Variants in FIS1 observed in about 807,000 individuals in gnomAD.
The protein encoded by FIS1 is fission, mitochondrial 1.
Under a neutral mutation model 21.6 loss-of-function variants are expected in FIS1, and 16 were observed. The observed-to-expected ratio is 0.74, with a 90% CI of 0.50 to 1.12. The LOEUF (loss-of-function observed/expected upper bound fraction) is 1.12. Ranked by LOEUF, FIS1 falls within the 50% of genes most tolerant of loss-of-function variation. The probability of loss-of-function intolerance (pLI) is 0.00; values close to 1 mark genes in which losing one functional copy is unlikely to be tolerated. For missense variants in FIS1, 198 were observed against 190.9 expected, an observed-to-expected ratio of 1.04 and a Z score of -0.22; for synonymous variants, 92 against 82.2, an observed-to-expected ratio of 1.12 and a Z score of -0.65.
Position 101,244,003 on chromosome 7 carries a change from T to C in FIS1, c.178+4A>G, listed in dbSNP as rs761881911. 1 of 1,611,914 alleles carries C rather than the reference T, an allele frequency of 6.2e-7. No individual in the cohort carries two copies. The highest frequency in any genetic ancestry group is 2.2e-5 in the East Asian group (1 of 44,812). On this transcript the variant is annotated splice_donor_region_variant and intron_variant, in intron 2 of 4. Transcript: ENST00000223136. ...AGCGGGAAAGGGAGAGTACAGCGCC[T>C]CACCCTCGAGCAGCACGATGCCTTT...
intron 1 of FIS1, chr7:101,244,737 C>G (rs749167769): frequency 4.3e-5 from 25 of 587,234 alleles, no homozygotes; most frequent in Non-Finnish European, 6.6e-5. Context: ...GCTCCAGGCC[C>G]GTAGTCTGAG....
At position 101,239,799 on chromosome 7, in the gene FIS1, G is replaced by A. The variant is rs745950074; in HGVS notation, c.*7C>T. 6 of 1,589,482 alleles carry A rather than the reference G, an allele frequency of 3.8e-6. No homozygotes were observed. The highest frequency in any genetic ancestry group is 2.3e-5 in the East Asian group (1 of 43,660). On this transcript the variant is annotated 3_prime_UTR_variant, in exon 5 of 5. Transcript: ENST00000223136. ...TGGAGCGTTCTCCGTGGGCTCCCGC[G>A]TCTCCTTCAGGATTTGGACTTGGAC...
At chr7:101,240,388 T>C in intron 3 of FIS1, 141 bp from the exon 4 acceptor site, 2 of 775,914 alleles carry the variant, frequency 2.6e-6, no homozygotes, top group Admixed American at 5.4e-5. Flanking sequence ...AACCTCAAAC[T>C]CCCAGGCTCA....
At position 101,245,052 on chromosome 7, in the gene FIS1, CTCCAT is replaced by C; in HGVS notation, c.-53_-49del. On this transcript the variant is annotated 5_prime_UTR_variant, in exon 1 of 5. It removes an upstream start codon present in the reference 5' UTR. Coordinates refer to ENST00000223136, the MANE Select transcript of FIS1 (RefSeq NM_016068.3). ...ACACTACAGTCTACTGTGCCACAGT[CTCCAT>C]GGCCCAGTGGCAGGGGCGGAGAACC... 1 of 1,592,200 alleles carries C rather than the reference CTCCAT, an allele frequency of 6.3e-7. No individual in the cohort carries two copies. The highest frequency in any genetic ancestry group is 8.6e-7 in the Non-Finnish European group (1 of 1,166,340).
At chr7:101,239,947 A>C (rs76485948) in intron 4 of FIS1, 44 bp from the exon 5 acceptor site, 1 of 1,537,620 alleles carries the variant, frequency 6.5e-7, no homozygotes, top group South Asian at 1.2e-5. Context: ...GCCCCTGCGG[A>C]AACCCTGACC....
chr7:101,240,965 T>C, intron 2 of FIS1, 59 bp from the exon 3 acceptor site: 1 of 1,550,534 alleles, frequency 6.4e-7, no homozygotes, highest in Non-Finnish European at 8.9e-7. Context: ...TTCCTAATAC[T>C]GTGTCCCAGA....
At chr7:101,244,315 G>A (rs1373519478) in intron 1 of FIS1, among the ~76,000 whole-genome samples, 176 bp from the exon 2 acceptor site, 1 of 152,104 alleles carries the variant, frequency 6.6e-6, no homozygotes, top group Non-Finnish European at 1.5e-5. Context: ...GGGCCTGCGG[G>A]CCAGCTCTTG....
Position 101,245,066 on chromosome 7 carries a change from G to A in FIS1, c.-62C>T. 1 of 1,564,260 alleles carries A rather than the reference G, an allele frequency of 6.4e-7. No individual in the cohort carries two copies. Among genetic ancestry groups the A allele is most frequent in the Non-Finnish European group, 8.7e-7 (1 of 1,147,204 alleles). Reference sequence around the variant, plus strand: ...TGTGCCACAGTCTCCATGGCCCAGTGGCAGGGGCGGAGAACCACTTCCGGC... The same window carrying A: ...TGTGCCACAGTCTCCATGGCCCAGTAGCAGGGGCGGAGAACCACTTCCGGC... On this transcript the variant is annotated 5_prime_UTR_variant, in exon 1 of 5. Coordinates refer to ENST00000223136, the MANE Select transcript of FIS1 (RefSeq NM_016068.3).
At chr7:101,244,853 C>T (rs1260963960) in intron 1 of FIS1, 107 bp downstream of exon 1, 1 of 1,428,640 alleles carries the variant, frequency 7.0e-7, no homozygotes, top group Admixed American at 1.8e-5. Flanking sequence ...CGTAGTTCGG[C>T]TTCCCTCGGC....
intron 3 of FIS1, among the ~76,000 whole-genome samples, chr7:101,240,491 C>T (rs776353580): frequency 6.6e-6 from 1 of 152,180 alleles, no homozygotes; most frequent in Non-Finnish European, 1.5e-5. Flanking sequence ...CTCCCCCTGC[C>T]CACGTGAAGG....
intron 4 of FIS1, 118 bp from the exon 5 acceptor site, chr7:101,240,021 G>A (rs893540006): frequency 3.5e-6 from 5 of 1,416,652 alleles, no homozygotes; most frequent in Non-Finnish European, 4.9e-6. Context: ...GCAGGGCAAG[G>A]GGCTCTAAGA....
intron 1 of FIS1, chr7:101,244,528 T>C (rs1022308876): frequency 1.2e-5 from 4 of 328,046 alleles, no homozygotes; most frequent in African/African-American, 4.3e-5. Flanking sequence ...CTGGACCTTT[T>C]ATTGTCCAGG....
rs535619243 is a variant in FIS1, at chr7:101,242,487, G to GAT, written c.178+1519_178+1520insAT. On this transcript the variant is annotated intron_variant, in intron 2 of 4. Transcript: ENST00000223136. ...TTTAAGAAAGAGTCTTATTTTTATA[G>GAT]TTTTTTTTTTTTTTTTTTTGAGACG... 2.0e-4 allele frequency among the ~76,000 whole-genome samples: 26 copies of GAT among 131,932 alleles called. 1 individual carries two copies. The highest frequency in any genetic ancestry group is 7.1e-4 in the South Asian group (3 of 4,246). The allele number at this position is 131,932 out of a possible 152,430, so 86.6% of individuals were successfully genotyped here.
At position 101,244,050 on chromosome 7, in the gene FIS1, G is replaced by C. The variant is rs74430360; in HGVS notation, c.135C>G (p.Ser45Arg). ...QFEYAWCLVR[S>R]KYNDDIRKGI... is the part of the protein sequence containing the mutation. ...CTTTACGGATGTCATCATTGTACTT[G>C]CTCCGCACCAGGCACCAGGCGTACT... Residue 45 changes from serine to arginine, a missense_variant, in exon 2 of 5, where the codon AGC becomes AGG. Physicochemically the swap from Ser to Arg is moderately radical, Grantham distance 110. Coordinates refer to ENST00000223136, the MANE Select transcript of FIS1 (RefSeq NM_016068.3). 1.3e-4 allele frequency: 207 copies of C among 1,613,850 alleles called. No individual in the cohort carries two copies. The highest frequency in any genetic ancestry group is 1.6e-4 in the Non-Finnish European group (191 of 1,179,970).
intron 1 of FIS1, 42 bp from the exon 2 acceptor site, chr7:101,244,181 G>C: frequency 1.3e-6 from 2 of 1,595,826 alleles, no homozygotes; most frequent in Non-Finnish European, 1.7e-6. Context: ...AATGTAGGGC[G>C]TCAACCATTC....
intron 1 of FIS1, chr7:101,244,721 G>T (rs1248797070): frequency 1.7e-6 from 1 of 572,088 alleles, no homozygotes; most frequent in South Asian, 2.2e-5. Flanking sequence ...GTCTAACCAC[G>T]GTCGGGCTCC....
intron 2 of FIS1, among the ~76,000 whole-genome samples, chr7:101,242,579 C>G (rs928839516): frequency 1.3e-5 from 2 of 150,286 alleles, no homozygotes; most frequent in African/African-American, 4.9e-5. Flanking sequence ...ACCTCTGTCT[C>G]CCGAGTTCAA....
intron 4 of FIS1, 103 bp from the exon 5 acceptor site, chr7:101,240,006 G>C (rs1204145947): frequency 7.1e-7 from 1 of 1,403,814 alleles, no homozygotes; most frequent in African/African-American, 1.4e-5. Context: ...CCCCTACCTG[G>C]AGTCGCAGGG....
At chr7:101,242,877 G>GA (rs909187186) in intron 2 of FIS1, among the ~76,000 whole-genome samples, 105 of 138,874 alleles carry the variant, frequency 7.6e-4, no homozygotes, top group Admixed American at 9.3e-4. Context: ...AAAATACTCA[G>GA]AAAAAAAAAA....
Sources: gnomAD v4.1 joint callset for allele counts (sites outside exome capture counted in the v4.1 genomes callset) on GRCh38, gnomAD v4.1.1 for gene constraint, MANE v1.5 for transcripts, NCBI Gene and HGNC (gene_info 2026-07-23, HGNC 2026-07-21) for gene names.